MGAT4C: variants seen among roughly 807,000 people sequenced by gnomAD.
MGAT4C encodes alpha-1,3-mannosyl-glycoprotein 4-beta-N-acetylglucosaminyltransferase C.
A neutral mutation model predicts 40.1 loss-of-function variants in MGAT4C; 19 were observed. That is an observed-to-expected ratio of 0.47 (90% CI 0.33 to 0.70). MGAT4C has a LOEUF of 0.70. Ranked by LOEUF, MGAT4C falls within the 30% of genes least tolerant of loss-of-function variation. MGAT4C has a pLI of 0.02. For missense variants in MGAT4C, 491 were observed against 563.2 expected, an observed-to-expected ratio of 0.87 and a Z score of 1.30; for synonymous variants, 181 against 187.1, an observed-to-expected ratio of 0.97 and a Z score of 0.27.
intron 2 of MGAT4C, among the ~76,000 whole-genome samples, chr12:86,567,214 A>G (rs1451981848): frequency 1.3e-5 from 2 of 152,042 alleles, no homozygotes; most frequent in African/African-American, 4.8e-5. Flanking sequence ...GACACCAATC[A>G]CCATCACCCC....
At chr12:86,173,586 C>G (rs1486841870) in intron 1 of MGAT4C, among the ~76,000 whole-genome samples, 5 of 152,002 alleles carry the variant, frequency 3.3e-5, no homozygotes, top group Non-Finnish European at 5.9e-5. Context: ...CAAAAATATA[C>G]TTTTGATCAA....
At chr12:86,518,360 C>A (rs1010359097) in intron 2 of MGAT4C, among the ~76,000 whole-genome samples, 1 of 152,008 alleles carries the variant, frequency 6.6e-6, no homozygotes, top group Non-Finnish European at 1.5e-5. Flanking sequence ...AATAATAAGA[C>A]AAAGTAAAGA....
At chr12:86,530,052 A>T (rs1958953568) in intron 2 of MGAT4C, among the ~76,000 whole-genome samples, 1 of 151,986 alleles carries the variant, frequency 6.6e-6, no homozygotes, top group Non-Finnish European at 1.5e-5. Flanking sequence ...TAGTTTTAAA[A>T]ATATTGTCAA....
intron 1 of MGAT4C, among the ~76,000 whole-genome samples, chr12:86,757,422 C>T (rs2136148080): frequency 6.6e-6 from 1 of 152,164 alleles, no homozygotes; most frequent in South Asian, 2.1e-4. Flanking sequence ...TTACTTTGTG[C>T]ATTGCATTAA....
chr12:86,361,576 C>G (rs1955471773), intron 3 of MGAT4C, among the ~76,000 whole-genome samples: 1 of 152,202 alleles, frequency 6.6e-6, no homozygotes, highest in Non-Finnish European at 1.5e-5. Flanking sequence ...AAAATTTTTA[C>G]AATCTACCCA....
intron 2 of MGAT4C, among the ~76,000 whole-genome samples, chr12:86,590,409 T>G (rs1593019938): frequency 6.6e-6 from 1 of 151,920 alleles, no homozygotes; most frequent in Non-Finnish European, 1.5e-5. Flanking sequence ...ATTTAACTGG[T>G]TCCTGCTCAC....
chr12:86,191,629 CAA>C (rs1889465968), intron 1 of MGAT4C, among the ~76,000 whole-genome samples: 1 of 83,304 alleles, frequency 1.2e-5, no homozygotes, highest in Non-Finnish European at 2.4e-5. Context: ...AAACAAAAAA[CAA>C]AACACACACA....
At chr12:86,346,397 G>A (rs1955033560) in intron 3 of MGAT4C, among the ~76,000 whole-genome samples, 1 of 151,954 alleles carries the variant, frequency 6.6e-6, no homozygotes, top group Non-Finnish European at 1.5e-5. Flanking sequence ...ACTAATTTTT[G>A]TATTTTTAGT....
intron 4 of MGAT4C, among the ~76,000 whole-genome samples, chr12:86,312,421 C>T (rs1954102608): frequency 6.6e-6 from 1 of 152,180 alleles, no homozygotes; most frequent in Admixed American, 6.5e-5. Context: ...AGTTTTCTCG[C>T]ACATATAAGG....
chr12:86,700,035 A>AATAGATAG (rs58993633), intron 2 of MGAT4C, among the ~76,000 whole-genome samples: 3,928 of 147,674 alleles, frequency 0.027, 69 homozygotes, highest in East Asian at 0.06. Flanking sequence ...AATTTAGATA[A>AATAGATAG]ATAGATAGAT....
intron 4 of MGAT4C, among the ~76,000 whole-genome samples, chr12:86,274,692 G>T (rs1339045684): frequency 6.6e-6 from 1 of 152,132 alleles, no homozygotes; most frequent in African/African-American, 2.4e-5. Flanking sequence ...TTTAATAGAA[G>T]AATATTTAGC....
At chr12:86,784,993 C>T (rs1951907941) in intron 1 of MGAT4C, among the ~76,000 whole-genome samples, 1 of 151,888 alleles carries the variant, frequency 6.6e-6, no homozygotes, top group Non-Finnish European at 1.5e-5. Context: ...ACCTTCTGAT[C>T]AATGCATGAT....
intron 1 of MGAT4C, among the ~76,000 whole-genome samples, chr12:86,837,649 G>A (rs1953063894): frequency 6.6e-6 from 1 of 151,798 alleles, no homozygotes; most frequent in African/African-American, 2.4e-5. Flanking sequence ...CAGAAAAACA[G>A]CAACAATATG....
chr12:86,580,155 A>G (rs1012119664), intron 2 of MGAT4C, among the ~76,000 whole-genome samples: 1 of 151,486 alleles, frequency 6.6e-6, no homozygotes, highest in African/African-American at 2.4e-5. Context: ...AGTGCTCTTA[A>G]TGATAACTTG....
At chr12:86,831,027 G>C (rs928143599) in intron 1 of MGAT4C, among the ~76,000 whole-genome samples, 8 of 151,768 alleles carry the variant, frequency 5.3e-5, no homozygotes, top group African/African-American at 1.9e-4. Context: ...TGCTCAGAAA[G>C]TTATTTTATG....
At chr12:86,268,098 A>G (rs1483805254) in intron 4 of MGAT4C, among the ~76,000 whole-genome samples, 1 of 152,148 alleles carries the variant, frequency 6.6e-6, no homozygotes, top group Non-Finnish European at 1.5e-5. Flanking sequence ...ACCTTGAATT[A>G]TAAATTCTTT....
Position 86,309,171 on chromosome 12 carries a change from A to G in MGAT4C, c.-57+24894T>C, listed in dbSNP as rs183068004. On this transcript the variant is annotated intron_variant, in intron 4 of 7. Coordinates refer to the MGAT4C transcript ENST00000548651. ...GCTTGCTGATTCAGAACAAAATCAA[A>G]TAAGTATTTTGGCCTTTCTTTATAA... 1.4e-3 allele frequency among the ~76,000 whole-genome samples: 208 copies of G among 149,176 alleles called. 3 individuals carry two copies. Among genetic ancestry groups the G allele is most frequent in the South Asian group, 2.5e-3 (12 of 4,806 alleles).
rs1013367596 is a variant in MGAT4C at position 86,280,923 on chromosome 12, CTTTG to C, written c.-57+53138_-57+53141del. Among the ~76,000 whole-genome samples, 64 of 152,066 alleles carry C rather than the reference CTTTG, an allele frequency of 4.2e-4. 3 individuals carry two copies. Among genetic ancestry groups the C allele is most frequent in the Admixed American group, 4.2e-3 (64 of 15,258 alleles). The stretch of plus-strand genomic sequence containing the variant: ...GTACAGAGAATATAGTTGGTTCCCT[CTTTG>C]TTTAATGATTATGGCAATCTTTGTC... On this transcript the variant is annotated intron_variant, in intron 4 of 7. Transcript: ENST00000548651.
chr12:86,442,423 C>A (rs1957249345), intron 2 of MGAT4C, among the ~76,000 whole-genome samples: 1 of 152,130 alleles, frequency 6.6e-6, no homozygotes, highest in African/African-American at 2.4e-5. Flanking sequence ...CTTGCTCATG[C>A]CTATGTCCTG....
Sources: allele counts gnomAD v4.1 joint callset (sites outside exome capture counted in the v4.1 genomes callset), GRCh38; gene constraint gnomAD v4.1.1; transcripts MANE v1.5; gene names NCBI Gene and HGNC (gene_info 2026-07-23, HGNC 2026-07-21).